RYR3: variants seen among roughly 807,000 people sequenced by gnomAD.
The protein encoded by RYR3 is brain ryanodine receptor-calcium release channel.
RYR3 carries 207 observed loss-of-function variants against 584.3 expected under a neutral mutation model. The ratio of observed to expected loss-of-function variants is 0.35; its 90% CI spans 0.32 to 0.40. RYR3 has a LOEUF of 0.40. Ranked by LOEUF, RYR3 falls within the 10% of genes least tolerant of loss-of-function variation. The pLI, the probability that RYR3 is intolerant of heterozygous loss-of-function variation, is 1.00. For missense variants in RYR3, 5,616 were observed against 6,089.2 expected (o/e 0.92, Z 2.59); for synonymous variants, 2,416 against 2,248.5 (o/e 1.07, Z -2.11).
intron 7 of RYR3, among the ~76,000 whole-genome samples, chr15:33,541,267 T>G (rs921586898): frequency 6.6e-6 from 1 of 152,156 alleles, no homozygotes; most frequent in African/African-American, 2.4e-5. Flanking sequence ...GCCAAGAAGG[T>G]GACATGGTTT....
At chr15:33,863,366 G>GACGCTCT (rs1261482474) in intron 102 of RYR3, among the ~76,000 whole-genome samples, 1 of 152,184 alleles carries the variant, frequency 6.6e-6, no homozygotes, top group African/African-American at 2.4e-5. Flanking sequence ...GCCAGGACCT[G>GACGCTCT]ACGCTCTATA....
chr15:33,802,737 A>G (rs1045368080), intron 69 of RYR3, among the ~76,000 whole-genome samples: 5 of 152,194 alleles, frequency 3.3e-5, no homozygotes, highest in Non-Finnish European at 7.3e-5. Context: ...AGCTGTTATG[A>G]CTTACCTTGA....
At chr15:33,449,656 C>T (rs1246590089) in intron 1 of RYR3, among the ~76,000 whole-genome samples, 1 of 152,180 alleles carries the variant, frequency 6.6e-6, no homozygotes, top group Non-Finnish European at 1.5e-5. Flanking sequence ...AAAAATAACA[C>T]AAATGCCATA....
intron 38 of RYR3, among the ~76,000 whole-genome samples, chr15:33,678,774 C>T (rs1422659786): frequency 6.6e-6 from 1 of 152,234 alleles, no homozygotes; most frequent in Admixed American, 6.5e-5. Flanking sequence ...AGTGCCTGTT[C>T]CTGTGCCCTG....
intron 11 of RYR3, among the ~76,000 whole-genome samples, chr15:33,565,202 G>A (rs2339310): frequency 0.86 from 131,612 of 152,158 alleles, 57,603 homozygotes; most frequent in Middle Eastern, 0.98. Flanking sequence ...TGTTATCTGA[G>A]CAAGCAAAAC....
At chr15:33,737,342 G>T (rs939247312) in intron 49 of RYR3, among the ~76,000 whole-genome samples, 1 of 152,114 alleles carries the variant, frequency 6.6e-6, no homozygotes, top group Non-Finnish European at 1.5e-5. Flanking sequence ...GGGCCTGGTG[G>T]GAGGACACCA....
chr15:33,578,605 C>T (rs1304719155), intron 12 of RYR3, among the ~76,000 whole-genome samples: 2 of 151,196 alleles, frequency 1.3e-5, no homozygotes, highest in Non-Finnish European at 2.9e-5. Context: ...TATGGCCTGT[C>T]GAGGGGTGGG....
Position 33,618,430 on chromosome 15 carries a change from T to A in RYR3, c.2357+5055T>A, listed in dbSNP as rs189002729. ...CTGTGGAAATTATTGCTGAGATAAA[T>A]ATGCTTCTTCAGAGAACATGATGGG... On this transcript the variant is annotated intron_variant, in intron 19 of 103. Coordinates refer to ENST00000634891, the MANE Select transcript of RYR3 (RefSeq NM_001036.6). Among the ~76,000 whole-genome samples the A allele has an allele frequency of 2.5e-3, 377 of 152,166 alleles. 1 individual carries two copies. Among genetic ancestry groups the A allele is most frequent in the Non-Finnish European group, 4.0e-3 (271 of 68,018 alleles).
At chr15:33,723,518 G>A (rs2068102256) in intron 44 of RYR3, among the ~76,000 whole-genome samples, 1 of 152,088 alleles carries the variant, frequency 6.6e-6, no homozygotes, top group Non-Finnish European at 1.5e-5. Context: ...CAGCCTTTAG[G>A]TTAGACCGTA....
At position 33,334,840 on chromosome 15, in the gene RYR3, A is replaced by C. The variant is rs1970768493; in HGVS notation, c.51+23744A>C. On this transcript the variant is annotated intron_variant, in intron 1 of 103. Coordinates refer to ENST00000634891, the MANE Select transcript of RYR3 (RefSeq NM_001036.6). ...CTTAAACAAATTGACAAGAAAAAAA[A>C]AAAACCCCATTAAACAGTGGGCAAA... Among the ~76,000 whole-genome samples the C allele has an allele frequency of 1.3e-5, 2 of 152,254 alleles. 1 individual carries two copies.
At chr15:33,758,295 T>C (rs567636477) in intron 60 of RYR3, among the ~76,000 whole-genome samples, 2 of 151,964 alleles carry the variant, frequency 1.3e-5, no homozygotes, top group South Asian at 4.2e-4. Context: ...GAGACAGAAC[T>C]GTTCACACCC....
intron 1 of RYR3, among the ~76,000 whole-genome samples, chr15:33,352,331 A>G (rs1311470185): frequency 6.6e-6 from 1 of 151,670 alleles, no homozygotes; most frequent in East Asian, 1.9e-4. Flanking sequence ...TTTAAATTTT[A>G]TGGCCATTTT....
At chr15:33,501,536 G>A (rs1482174584) in intron 2 of RYR3, among the ~76,000 whole-genome samples, 1 of 152,134 alleles carries the variant, frequency 6.6e-6, no homozygotes, top group East Asian at 1.9e-4. Context: ...ATTCTTCAAT[G>A]GGAAATCTCC....
At chr15:33,559,894 T>C (rs2057310569) in intron 10 of RYR3, among the ~76,000 whole-genome samples, 1 of 152,122 alleles carries the variant, frequency 6.6e-6, no homozygotes, top group Admixed American at 6.6e-5. Context: ...AAGTGTAATG[T>C]CAGTAAAGGC....
chr15:33,623,056 G>A (rs1045960587), intron 19 of RYR3, among the ~76,000 whole-genome samples: 1 of 152,134 alleles, frequency 6.6e-6, no homozygotes, highest in Admixed American at 6.5e-5. Context: ...TCCCCACTTC[G>A]TTGGGAAGTC....
chr15:33,542,952 T>C (rs770940089), intron 7 of RYR3, among the ~76,000 whole-genome samples: 2 of 152,106 alleles, frequency 1.3e-5, no homozygotes, highest in Non-Finnish European at 2.9e-5. Flanking sequence ...TTGAAGTTCA[T>C]TGTTTCCTTT....
In RYR3 at chr15:33,450,087, TAAAAAA is replaced by T. The variant is rs10647466; in HGVS notation, c.52-23313_52-23308del. Among the ~76,000 whole-genome samples, 252 of 67,326 alleles carry T rather than the reference TAAAAAA, an allele frequency of 3.7e-3. 1 individual carries two copies. The highest frequency in any genetic ancestry group is 0.013 in the African/African-American group (239 of 18,210). 44.2% of individuals were successfully genotyped at this position (67,326 alleles called of 152,430 possible). ...TTACTGCGGCTAGAGCATTAATACC[TAAAAAA>T]AAAAAAAAAAAAAAAAAAGCCGGCA... On this transcript the variant is annotated intron_variant, in intron 1 of 103. Coordinates refer to ENST00000634891, the MANE Select transcript of RYR3 (RefSeq NM_001036.6).
At chr15:33,429,624 G>T (rs1196114886) in intron 1 of RYR3, among the ~76,000 whole-genome samples, 1 of 152,184 alleles carries the variant, frequency 6.6e-6, no homozygotes, top group Non-Finnish European at 1.5e-5. Context: ...CACTCTGAAT[G>T]CATCCACACC....
chr15:33,810,824 T>C (rs546171898), intron 71 of RYR3, 154 bp from the exon 72 acceptor site: 2 of 1,050,420 alleles, frequency 1.9e-6, no homozygotes, highest in Non-Finnish European at 2.8e-6. Flanking sequence ...AGTCCGTGTG[T>C]GCCCTTTGGG....
Sources: allele counts gnomAD v4.1 joint callset (sites outside exome capture counted in the v4.1 genomes callset), GRCh38; gene constraint gnomAD v4.1.1; transcripts MANE v1.5; gene names NCBI Gene and HGNC (gene_info 2026-07-23, HGNC 2026-07-21).